ITPR2: variants seen among roughly 807,000 people sequenced by gnomAD.
The protein encoded by ITPR2 is inositol 1,4,5-trisphosphate-gated calcium channel ITPR2.
Under a neutral mutation model 317.1 loss-of-function variants are expected in ITPR2, and 207 were observed. The observed-to-expected ratio is 0.65, with a 90% CI of 0.58 to 0.73. The LOEUF is 0.73. ITPR2 is among the 30% of genes least tolerant of loss of function. The pLI is 0.00. For missense variants in ITPR2, 2,613 were observed against 3,284.0 expected, an observed-to-expected ratio of 0.80 and a Z score of 4.99; for synonymous variants, 1,156 against 1,149.1, an observed-to-expected ratio of 1.01 and a Z score of -0.12.
chr12:26,573,423 A>G (rs1945208844), intron 34 of ITPR2, among the ~76,000 whole-genome samples: 1 of 152,206 alleles, frequency 6.6e-6, no homozygotes, highest in Non-Finnish European at 1.5e-5. Flanking sequence ...TGGTGAAGAA[A>G]GGAAAGTTCC....
At chr12:26,466,626 G>A (rs531987451) in intron 45 of ITPR2, among the ~76,000 whole-genome samples, 1 of 152,228 alleles carries the variant, frequency 6.6e-6, no homozygotes, top group African/African-American at 2.4e-5. Context: ...AGCTATCACA[G>A]TCCAACTACT....
rs1435703432 is a variant in ITPR2, at chr12:26,656,444, G to A, written c.2297C>T (p.Ser766Leu). The change falls in exon 19 of 57, where the codon TCG becomes TTG. Residue 766 changes from serine (S) to leucine (L), a missense_variant. Ser to Leu is a moderately radical substitution (Grantham distance 145, BLOSUM62 -2). Around this residue, in one of 9 missense-constraint regions of ITPR2, gnomAD observed 817 missense variants for 897.6 expected, o/e 0.91. Transcript: ENST00000381340. ...LSVDLILRCV[S>L]DESLPFDLRA... ...GAGGTCGAACGGCAGGCTCTCATCC[G>A]ACACACACCGCAGGATCAGGTCTAC... The A allele has an allele frequency of 3.1e-6, 5 of 1,614,072 alleles. No individual in the cohort carries two copies. Among genetic ancestry groups the A allele is most frequent in the Middle Eastern group, 1.6e-4 (1 of 6,084 alleles).
chr12:26,568,680 G>T (rs186087999), intron 34 of ITPR2, among the ~76,000 whole-genome samples: 1 of 152,134 alleles, frequency 6.6e-6, no homozygotes, highest in Non-Finnish European at 1.5e-5. Context: ...AGGTAGGGGG[G>T]AAAGGCAACA....
intron 39 of ITPR2, among the ~76,000 whole-genome samples, chr12:26,489,381 T>C (rs184278501): frequency 4.0e-4 from 61 of 152,266 alleles, no homozygotes; most frequent in Admixed American, 3.2e-3. Context: ...TCAAGTGAAA[T>C]ATCCTAGTGG....
chr12:26,672,690 T>G lies in ITPR2; in HGVS notation c.1410-6639A>C, dbSNP rs527939526. On this transcript the variant is annotated intron_variant, in intron 13 of 56. Transcript: ENST00000381340. ...TCAAAAGCTAGCAGAAGGCAAGAAATAACTAAAATCAGAGCAGAACTGAAG... is the reference window on the plus strand; with the variant it reads ...TCAAAAGCTAGCAGAAGGCAAGAAAGAACTAAAATCAGAGCAGAACTGAAG... 2.3e-4 allele frequency among the ~76,000 whole-genome samples: 35 copies of G among 151,434 alleles called. No individual in the cohort carries two copies. In the South Asian group the frequency reaches 4.2e-3, roughly 18 times the overall value.
intron 37 of ITPR2, among the ~76,000 whole-genome samples, chr12:26,544,997 G>C (rs982489393): frequency 6.6e-6 from 1 of 152,142 alleles, no homozygotes; most frequent in Non-Finnish European, 1.5e-5. Context: ...AAACAGCAAA[G>C]TGCTATAGAT....
intron 37 of ITPR2, among the ~76,000 whole-genome samples, chr12:26,541,146 T>TTAAA (rs755076449): frequency 1.8e-5 from 2 of 110,136 alleles, no homozygotes; most frequent in African/African-American, 3.6e-5. Context: ...CATCTCTGCT[T>TTAAA]AAAAAAAAAA....
chr12:26,563,118 G>A (rs1944865496), intron 34 of ITPR2, among the ~76,000 whole-genome samples: 1 of 152,186 alleles, frequency 6.6e-6, no homozygotes, highest in Admixed American at 6.5e-5. Flanking sequence ...ATAGCAGTTG[G>A]CAGAAGCAGT....
intron 9 of ITPR2, among the ~76,000 whole-genome samples, chr12:26,700,989 T>C (rs7137713): frequency 0.64 from 96,722 of 152,048 alleles, 31,462 homozygotes; most frequent in Non-Finnish European, 0.71. Flanking sequence ...TGATTTTGTA[T>C]GGCAATGGCA....
At position 26,552,697 on chromosome 12, in the gene ITPR2, C is replaced by T. The variant is rs144177850; in HGVS notation, c.4965-2342G>A. On this transcript the variant is annotated intron_variant, in intron 36 of 56. Transcript: ENST00000381340. ...TTCTACTATTCGATTCTTTCTTTCA[C>T]GCAACACTTTTTTTTTAATTTTTAA... Among the ~76,000 whole-genome samples, 63 of 152,260 alleles carry T rather than the reference C, an allele frequency of 4.1e-4. No individual in the cohort carries two copies. In the South Asian group the frequency reaches 5.0e-3, roughly 12 times the overall value.
chr12:26,566,355 G>A (rs931938545), intron 34 of ITPR2, among the ~76,000 whole-genome samples: 1 of 139,150 alleles, frequency 7.2e-6, no homozygotes, highest in African/African-American at 2.7e-5. Flanking sequence ...AAGGGGAAGA[G>A]GAAAGAGAAG....
intron 2 of ITPR2, among the ~76,000 whole-genome samples, chr12:26,766,926 G>A (rs892591143): frequency 5.3e-5 from 8 of 152,118 alleles, no homozygotes; most frequent in African/African-American, 1.9e-4. Flanking sequence ...GAAAACATTA[G>A]CTAGTACGAT....
At chr12:26,365,147 G>C (rs1938965700) in intron 55 of ITPR2, among the ~76,000 whole-genome samples, 1 of 152,142 alleles carries the variant, frequency 6.6e-6, no homozygotes, top group Admixed American at 6.5e-5. Flanking sequence ...TTACTAGCAA[G>C]GTTAAACTGG....
intron 1 of ITPR2, among the ~76,000 whole-genome samples, chr12:26,807,932 AG>A (rs904233224): frequency 2.6e-5 from 4 of 152,192 alleles, no homozygotes; most frequent in Non-Finnish European, 5.9e-5. Context: ...ACCCAAGGAA[AG>A]GTATGAGACC....
chr12:26,373,290 C>T (rs1939241025), intron 55 of ITPR2, among the ~76,000 whole-genome samples: 1 of 152,182 alleles, frequency 6.6e-6, no homozygotes, highest in South Asian at 2.1e-4. Context: ...CTTGGATTCT[C>T]ATTATGAATG....
At chr12:26,714,426 T>C (rs558231829) in intron 8 of ITPR2, among the ~76,000 whole-genome samples, 1 of 152,326 alleles carries the variant, frequency 6.6e-6, no homozygotes, top group African/African-American at 2.4e-5. Flanking sequence ...GCATAAATAT[T>C]GTATCTTTTA....
intron 13 of ITPR2, among the ~76,000 whole-genome samples, chr12:26,666,579 A>G (rs1034923022): frequency 2.0e-5 from 3 of 152,192 alleles, no homozygotes; most frequent in Admixed American, 6.5e-5. Flanking sequence ...TACATTTCCT[A>G]ATCCTCGCCA....
At chr12:26,543,231 G>A (rs1020995406) in intron 37 of ITPR2, among the ~76,000 whole-genome samples, 2 of 152,054 alleles carry the variant, frequency 1.3e-5, no homozygotes, top group Non-Finnish European at 2.9e-5. Context: ...AGCTCTTTCT[G>A]TCTCCATTAG....
chr12:26,727,579 G>T (rs1291779772), intron 2 of ITPR2, among the ~76,000 whole-genome samples: 2 of 152,220 alleles, frequency 1.3e-5, no homozygotes, highest in Admixed American at 1.3e-4. Context: ...TCAGCAAACT[G>T]GCTGTCAGGC....
Sources: allele counts gnomAD v4.1 joint callset (sites outside exome capture counted in the v4.1 genomes callset), GRCh38; gene constraint gnomAD v4.1.1; regional missense constraint gnomAD v4.1.1; transcripts MANE v1.5; gene names NCBI Gene and HGNC (gene_info 2026-07-23, HGNC 2026-07-21).